C12orf43: variants seen among roughly 807,000 people sequenced by gnomAD.
C12orf43 encodes the protein protein CUSTOS.
C12orf43 carries 15 observed loss-of-function variants against 20.6 expected under a neutral mutation model. That is an observed-to-expected ratio of 0.73 (90% CI 0.49 to 1.12). C12orf43 has a LOEUF of 1.12. C12orf43 is among the 50% of genes most tolerant of loss of function. The pLI, the probability that C12orf43 is intolerant of heterozygous loss-of-function variation, is 0.00. For missense variants in C12orf43, 334 were observed against 344.4 expected, an observed-to-expected ratio of 0.97 and a Z score of 0.24; for synonymous variants, 144 against 130.8, an observed-to-expected ratio of 1.10 and a Z score of -0.69.
At chr12:121,009,763 G>C (rs1358580700) in intron 3 of C12orf43, among the ~76,000 whole-genome samples, 1 of 152,192 alleles carries the variant, frequency 6.6e-6, no homozygotes, top group Non-Finnish European at 1.5e-5. Flanking sequence ...TTTTGTTATA[G>C]CAGCCCATAT....
chr12:121,008,538 A>G (rs1878196659), intron 3 of C12orf43, among the ~76,000 whole-genome samples: 1 of 152,266 alleles, frequency 6.6e-6, no homozygotes, highest in Non-Finnish European at 1.5e-5. Flanking sequence ...TCTGTGACTC[A>G]GTGCAATGCC....
chr12:121,004,341 C>G lies in C12orf43; in HGVS notation c.601G>C (p.Ala201Pro). The change falls in exon 6 of 6, where the codon GCC becomes CCC. Residue 201 changes from alanine (A) to proline (P), a missense_variant. Physicochemically the swap from Ala to Pro is conservative, Grantham distance 27. Coordinates refer to ENST00000288757, the MANE Select transcript of C12orf43 (RefSeq NM_022895.3). This position sits in a 1 kb window ranked among gnomAD's most constrained non-coding sequence, Gnocchi z 5.6. ...GCAGCGACAGCCGAGTCGACACTGG[C>G]CACCTTCTTGGCTTTCTTTTTCAAC... ...RKLKKKAKKV[A>P]SVDSAVAATT... The G allele has an allele frequency of 6.2e-7, 1 of 1,614,206 alleles. No individual in the cohort carries two copies. The highest frequency in any genetic ancestry group is 8.5e-7 in the Non-Finnish European group (1 of 1,180,046).
At chr12:121,011,769 G>T (rs1264012173) in intron 1 of C12orf43, among the ~76,000 whole-genome samples, 1 of 152,228 alleles carries the variant, frequency 6.6e-6, no homozygotes, top group Non-Finnish European at 1.5e-5. Flanking sequence ...TTTAATGCCT[G>T]CCTGGCTGTG....
In C12orf43 at chr12:121,002,219, C is replaced by T. The variant is rs1221644233; in HGVS notation, c.*1934G>A. On this transcript the variant is annotated 3_prime_UTR_variant, in exon 6 of 6. Coordinates refer to ENST00000288757, the MANE Select transcript of C12orf43 (RefSeq NM_022895.3). ...ACAGGAGCTACCTGTGTGGACAGGA[C>T]TAACACTCAGAAGCCTGGGGGCCTG... is the stretch of plus-strand genomic sequence containing the variant. 2 of 445,152 alleles carry T rather than the reference C, an allele frequency of 4.5e-6. No individual in the cohort carries two copies. Among genetic ancestry groups the T allele is most frequent in the Admixed American group, 6.7e-5 (2 of 29,930 alleles). The allele number at this position is 445,152 out of a possible 1,614,324, so 27.6% of individuals were successfully genotyped here. A position where few individuals can be genotyped will look rare whatever the true frequency, so the allele number is the denominator to read the frequency against.
chr12:121,004,177 A>G lies in C12orf43; in HGVS notation c.765T>C (p.Ser255=), dbSNP rs753648910. The change falls in exon 6 of 6, where the codon AGT becomes AGC. Residue 255 remains serine (S), a synonymous_variant. Coordinates refer to ENST00000288757, the MANE Select transcript of C12orf43 (RefSeq NM_022895.3). The surrounding 1 kb of genome is among the most constrained non-coding windows in gnomAD (Gnocchi z 5.6). ...TTCAGTTTGCAGGTATAGCTGTAGC[A>G]CTCTTTGCTGGTGGGAATGGAGAGG... ...SETSPFPPAK[S]ATAIPAN 4.3e-6 allele frequency: 7 copies of G among 1,612,886 alleles called. No individual in the cohort carries two copies. The highest frequency in any genetic ancestry group is 5.9e-6 in the Non-Finnish European group (7 of 1,179,766).
chr12:121,002,140 C>T lies in C12orf43; in HGVS notation c.*2013G>A, dbSNP rs781004510. The stretch of plus-strand genomic sequence containing the variant: ...CAAGGCCCGAGCAGCTGAGCAGGGC[C>T]GGGGAACTGGCCAAGCTGAGGTGCC... On this transcript the variant is annotated 3_prime_UTR_variant, in exon 6 of 6. Transcript: ENST00000288757. 2.1e-5 allele frequency: 11 copies of T among 517,176 alleles called. No individual in the cohort carries two copies. The East Asian group carries it at 2.7e-4, about 13-fold the overall frequency. The allele number at this position is 517,176 out of a possible 1,614,324, so 32.0% of individuals were successfully genotyped here.
chr12:121,010,560 G>T (rs981061148), intron 3 of C12orf43, among the ~76,000 whole-genome samples: 2 of 152,168 alleles, frequency 1.3e-5, no homozygotes, highest in African/African-American at 4.8e-5. Flanking sequence ...ACAGAGCCTG[G>T]CCACAAACAG....
chr12:121,014,149 G>A (rs1868650067), intron 1 of C12orf43, among the ~76,000 whole-genome samples: 1 of 151,952 alleles, frequency 6.6e-6, no homozygotes, highest in South Asian at 2.1e-4. Context: ...CCAACACGGT[G>A]AAACCCTGTC....
intron 1 of C12orf43, among the ~76,000 whole-genome samples, chr12:121,013,892 A>G (rs751363570): frequency 2.6e-5 from 4 of 152,206 alleles, no homozygotes; most frequent in Non-Finnish European, 4.4e-5. Context: ...CATTATGAGA[A>G]TCAGTTTTCT....
At position 121,003,658 on chromosome 12, in the gene C12orf43, G is replaced by T. The variant is rs1169312; in HGVS notation, c.*495C>A. 49,594 of 155,066 alleles carry T rather than the reference G, an allele frequency of 0.32. 8,966 individuals carry two copies. The highest frequency in any genetic ancestry group is 0.56 in the Middle Eastern group (168 of 300). The allele number at this position is 155,066 out of a possible 1,614,324, so 9.6% of individuals were successfully genotyped here. A position where few individuals can be genotyped will look rare whatever the true frequency, so the allele number is the denominator to read the frequency against. ...GCTCTCCTTTCTCAGACGATTCTGT[G>T]AAGTCTATGTGGGCTAAGGAGAGAA... On this transcript the variant is annotated 3_prime_UTR_variant, in exon 6 of 6. Coordinates refer to ENST00000288757, the MANE Select transcript of C12orf43 (RefSeq NM_022895.3).
chr12:121,016,195 A>G, intron 1 of C12orf43, 135 bp downstream of exon 1: 1 of 1,345,248 alleles, frequency 7.4e-7, no homozygotes, highest in Non-Finnish European at 1.0e-6. Context: ...TTCAATCTGC[A>G]CTACACCCAG....
chr12:121,011,133 G>A lies in C12orf43; in HGVS notation c.159C>T (p.Ser53=), dbSNP rs1878427588. The A allele has an allele frequency of 6.2e-7, 1 of 1,613,958 alleles. No homozygotes were observed. Among genetic ancestry groups the A allele is most frequent in the African/African-American group, 1.3e-5 (1 of 74,976 alleles). The part of the protein sequence containing the change: ...AGKPRAGAAN[S]QLSTSQPSLR... ...GGCTCGGTTGGGAGGTTGACAACTG[G>A]CTATTTGCAGCACCTGTGGAAAAAT... is the stretch of plus-strand genomic sequence containing the variant. The change falls in exon 2 of 6, where the codon AGC becomes AGT. Residue 53 remains serine, a synonymous_variant. Coordinates refer to ENST00000288757, the MANE Select transcript of C12orf43 (RefSeq NM_022895.3).
chr12:121,002,741 C>T lies in C12orf43; in HGVS notation c.*1412G>A, dbSNP rs1877600852. The T allele has an allele frequency of 3.3e-6, 1 of 307,090 alleles. No homozygotes were observed. The highest frequency in any genetic ancestry group is 6.4e-6 in the Non-Finnish European group (1 of 156,632). 19.0% of individuals were successfully genotyped at this position (307,090 alleles called of 1,614,324 possible). ...TGTTTTGGAGACAGGGTCTCACTGT[C>T]ACCCAGGCTGGACTGCAGTGGCATT... On this transcript the variant is annotated 3_prime_UTR_variant, in exon 6 of 6. Transcript: ENST00000288757.
intron 1 of C12orf43, chr12:121,012,466 C>T (rs1035226657): frequency 3.4e-5 from 24 of 702,430 alleles, no homozygotes; most frequent in African/African-American, 1.0e-4. Flanking sequence ...TGCTGTGCAG[C>T]GTGAGACTGT....
In C12orf43 at chr12:121,005,178, G is replaced by C; in HGVS notation, c.362-85C>G. ...AAATAAAAAATAAAGAAACAAAAAA[G>C]AAAAAAATTTTAAAAAGGAAAACGA... On this transcript the variant is annotated intron_variant, in intron 4 of 5. Coordinates refer to ENST00000288757, the MANE Select transcript of C12orf43 (RefSeq NM_022895.3). The surrounding 1 kb of genome is among the most constrained non-coding windows in gnomAD (Gnocchi z 5.6). 5.3e-6 allele frequency: 4 copies of C among 757,270 alleles called. No homozygotes were observed. Among genetic ancestry groups the C allele is most frequent in the Admixed American group, 4.7e-5 (1 of 21,316 alleles). 46.9% of individuals were successfully genotyped at this position (757,270 alleles called of 1,614,324 possible). A position where few individuals can be genotyped will look rare whatever the true frequency, so the allele number is the denominator to read the frequency against.
chr12:121,013,325 A>G (rs1009796976), intron 1 of C12orf43, among the ~76,000 whole-genome samples: 2 of 152,200 alleles, frequency 1.3e-5, no homozygotes, highest in Non-Finnish European at 2.9e-5. Flanking sequence ...CAGGGAACAG[A>G]AACAGTATTA....
Position 121,001,552 on chromosome 12 carries a change from C to T in C12orf43, c.*2601G>A, listed in dbSNP as rs947584271. The T allele has an allele frequency of 2.0e-5, 9 of 443,272 alleles. No individual in the cohort carries two copies. In the East Asian group the frequency reaches 2.4e-4, roughly 12 times the overall value. The allele number at this position is 443,272 out of a possible 1,614,324, so 27.5% of individuals were successfully genotyped here. ...CTGGGCCTATGGAGAGCCCTGGGACCGCTACACCACTCTGGCAGCCACACT... is the reference window on the plus strand; with the variant it reads ...CTGGGCCTATGGAGAGCCCTGGGACTGCTACACCACTCTGGCAGCCACACT... On this transcript the variant is annotated 3_prime_UTR_variant, in exon 6 of 6. Transcript: ENST00000288757.
rs1376015093 is a variant in C12orf43 at position 121,002,243 on chromosome 12, T to C, written c.*1910A>G. 4.5e-6 allele frequency: 2 copies of C among 440,346 alleles called. No individual in the cohort carries two copies. The highest frequency in any genetic ancestry group is 8.7e-6 in the Non-Finnish European group (2 of 230,952). 27.3% of individuals were successfully genotyped at this position (440,346 alleles called of 1,614,324 possible). ...ACTAACACTCAGAAGCCTGGGGGCC[T>C]GGCTGGCTGAGGGCAGTTCGCAGCC... is the stretch of plus-strand genomic sequence containing the variant. On this transcript the variant is annotated 3_prime_UTR_variant, in exon 6 of 6. Coordinates refer to ENST00000288757, the MANE Select transcript of C12orf43 (RefSeq NM_022895.3).
intron 1 of C12orf43, among the ~76,000 whole-genome samples, chr12:121,015,258 G>A (rs542491626): frequency 6.6e-6 from 1 of 152,298 alleles, no homozygotes; most frequent in South Asian, 2.1e-4. Flanking sequence ...TATGGTACTA[G>A]GGGGTGAGAG....
Sources: allele counts gnomAD v4.1 joint callset (sites outside exome capture counted in the v4.1 genomes callset), GRCh38; gene constraint gnomAD v4.1.1; non-coding constraint Gnocchi (gnomAD v3.1); transcripts MANE v1.5; gene names NCBI Gene and HGNC (gene_info 2026-07-23, HGNC 2026-07-21).